The following TVP23C variants were observed in gnomAD, a reference collection of about 807,000 sequenced individuals.
TVP23C encodes trans-golgi network vesicle protein 23 homolog C, also known as Golgi apparatus membrane protein TVP23 homolog C.
In TVP23C, 19 loss-of-function variants were observed where a neutral mutation model predicts 28.7. That is an observed-to-expected ratio of 0.66 (90% CI 0.46 to 0.97). TVP23C has a LOEUF of 0.97. Ranked by LOEUF, TVP23C falls within the 50% of genes least tolerant of loss-of-function variation. The pLI, the probability that TVP23C is intolerant of heterozygous loss-of-function variation, is 0.00. For missense variants in TVP23C, 186 were observed against 241.3 expected, an observed-to-expected ratio of 0.77 and a Z score of 1.52; for synonymous variants, 68 against 81.7, an observed-to-expected ratio of 0.83 and a Z score of 0.90.
chr17:15,525,621 T>C lies in TVP23C; in HGVS notation c.462+20164A>G, dbSNP rs576326364. Reference sequence around the variant, plus strand: ...GCCCTACAGAATTTGGATTTGTCAGTTCCCACAACTGTGTAAGCCAACTCC... The same window carrying C: ...GCCCTACAGAATTTGGATTTGTCAGCTCCCACAACTGTGTAAGCCAACTCC... On this transcript the variant is annotated intron_variant, in intron 5 of 5. Coordinates refer to the TVP23C transcript ENST00000225576. 4.6e-5 allele frequency among the ~76,000 whole-genome samples: 7 copies of C among 152,350 alleles called. No homozygotes were observed. The South Asian group carries it at 1.4e-3, about 32-fold the overall frequency.
chr17:15,506,491 G>C (rs1372571959), intron 5 of TVP23C, among the ~76,000 whole-genome samples: 1 of 152,228 alleles, frequency 6.6e-6, no homozygotes, highest in Non-Finnish European at 1.5e-5. Context: ...CTACCAATCA[G>C]CAGGATGTGG....
chr17:15,540,665 A>G (rs558406362), intron 5 of TVP23C, 104 bp from the exon 6 acceptor site: 1 of 642,216 alleles, frequency 1.6e-6, no homozygotes, highest in Non-Finnish European at 2.8e-6. Flanking sequence ...GAGAAGGAAG[A>G]GGAAGCTCTG....
At chr17:15,517,616 T>C (rs188046000) in intron 5 of TVP23C, among the ~76,000 whole-genome samples, 47 of 152,314 alleles carry the variant, frequency 3.1e-4, no homozygotes, top group African/African-American at 1.1e-3. Context: ...TCGACCTATA[T>C]GGGTGCTGGG....
At chr17:15,519,608 T>C (rs572227404) in intron 5 of TVP23C, among the ~76,000 whole-genome samples, 2 of 152,264 alleles carry the variant, frequency 1.3e-5, no homozygotes, top group South Asian at 4.1e-4. Context: ...TCAACATGCC[T>C]TAAAAGTACT....
chr17:15,551,599 T>G (rs1201738398), intron 3 of TVP23C, among the ~76,000 whole-genome samples: 5 of 152,138 alleles, frequency 3.3e-5, no homozygotes, highest in African/African-American at 1.2e-4. Context: ...CCCACAGGCC[T>G]CATGCTGCCC....
intron 3 of TVP23C, among the ~76,000 whole-genome samples, chr17:15,551,278 T>TC (rs1983876200): frequency 6.7e-6 from 1 of 150,026 alleles, no homozygotes; most frequent in South Asian, 2.1e-4. Flanking sequence ...TTTTTTTTTT[T>TC]TTTTTTTTTA....
At chr17:15,514,375 A>G (rs1250976835) in intron 5 of TVP23C, among the ~76,000 whole-genome samples, 1 of 152,218 alleles carries the variant, frequency 6.6e-6, no homozygotes, top group Non-Finnish European at 1.5e-5. Flanking sequence ...CATTAAACAC[A>G]TTACCTCTTT....
intron 5 of TVP23C, among the ~76,000 whole-genome samples, chr17:15,544,866 T>A (rs1324142034): frequency 6.6e-6 from 1 of 151,968 alleles, no homozygotes; most frequent in Non-Finnish European, 1.5e-5. Context: ...AAAATAGGAC[T>A]AAGAAAATAC....
intron 5 of TVP23C, among the ~76,000 whole-genome samples, chr17:15,523,505 C>T (rs1982574601): frequency 6.7e-6 from 1 of 149,978 alleles, no homozygotes. Context: ...AGACGGGTTT[C>T]ACCATGTTGG....
intron 5 of TVP23C, among the ~76,000 whole-genome samples, chr17:15,519,936 A>ACCT (rs1238923622): frequency 2.0e-5 from 3 of 152,218 alleles, no homozygotes; most frequent in African/African-American, 7.2e-5. Flanking sequence ...CATTTGGTTA[A>ACCT]CAGCTGCCTT....
At chr17:15,563,277 A>C (rs1984486513) in intron 1 of TVP23C, 160 bp downstream of exon 1, 2 of 1,361,244 alleles carry the variant, frequency 1.5e-6, no homozygotes, top group African/African-American at 2.9e-5. Context: ...AACCCCCAGC[A>C]GCCCTCCTCA....
At chr17:15,507,931 G>A (rs1981837840) in intron 5 of TVP23C, among the ~76,000 whole-genome samples, 1 of 152,218 alleles carries the variant, frequency 6.6e-6, no homozygotes, top group South Asian at 2.1e-4. Flanking sequence ...GATAAAAATA[G>A]TACCACTCCT....
intron 5 of TVP23C, among the ~76,000 whole-genome samples, chr17:15,517,972 C>A (rs923616216): frequency 2.0e-5 from 3 of 152,042 alleles, no homozygotes; most frequent in African/African-American, 7.2e-5. Flanking sequence ...CGAGGCCATC[C>A]TAGCTAACAC....
intron 1 of TVP23C, among the ~76,000 whole-genome samples, chr17:15,559,315 A>T (rs1193824534): frequency 9.7e-6 from 1 of 103,558 alleles, no homozygotes; most frequent in Non-Finnish European, 2.1e-5. Context: ...TACAGATTTA[A>T]AAAAAAAAAA....
At chr17:15,557,954 C>CTGA (rs1333139754) in intron 1 of TVP23C, among the ~76,000 whole-genome samples, 1 of 147,978 alleles carries the variant, frequency 6.8e-6, no homozygotes. Context: ...GAAGCTCCTA[C>CTGA]TGAGCTAAGG....
intron 1 of TVP23C, 24 bp from the exon 2 acceptor site, chr17:15,555,388 A>C: frequency 6.2e-7 from 1 of 1,613,962 alleles, no homozygotes; most frequent in Non-Finnish European, 8.5e-7. Flanking sequence ...TAAATGGTCA[A>C]GAAGCAAAAC....
At chr17:15,505,594 C>T (rs1031989449) in intron 5 of TVP23C, among the ~76,000 whole-genome samples, 4 of 152,188 alleles carry the variant, frequency 2.6e-5, no homozygotes, top group Admixed American at 6.5e-5. Context: ...CCCACTTTGG[C>T]GGCACTTGAG....
Position 15,537,599 on chromosome 17 carries a change from G to A in TVP23C, c.*2813C>T, listed in dbSNP as rs1367571861. ...TAATTGTTTTCACTTGCTTGCATAC[G>A]TCTAAGAAATTTCCCCATGAAGTAC... On this transcript the variant is annotated 3_prime_UTR_variant, in exon 6 of 6. Transcript: ENST00000518321. 2.0e-5 allele frequency: 20 copies of A among 984,974 alleles called. No individual in the cohort carries two copies. The highest frequency in any genetic ancestry group is 4.7e-5 in the South Asian group (1 of 21,278). 61.0% of individuals were successfully genotyped at this position (984,974 alleles called of 1,614,324 possible). A position where few individuals can be genotyped will look rare whatever the true frequency, so the allele number is the denominator to read the frequency against.
chr17:15,559,881 G>T (rs1178359699), intron 1 of TVP23C, among the ~76,000 whole-genome samples: 2 of 148,684 alleles, frequency 1.3e-5, no homozygotes, highest in Non-Finnish European at 3.0e-5. Context: ...AATAATTAGA[G>T]ATCACAAAGA....
Sources: gnomAD v4.1 joint callset for allele counts (sites outside exome capture counted in the v4.1 genomes callset) on GRCh38, gnomAD v4.1.1 for gene constraint, MANE v1.5 for transcripts, NCBI Gene and HGNC (gene_info 2026-07-23, HGNC 2026-07-21) for gene names.